Variants in DIAPH2 observed in about 807,000 individuals in gnomAD.
DIAPH2 encodes protein diaphanous homolog 2.
DIAPH2 carries 35 observed loss-of-function variants against 92.7 expected under a neutral mutation model. The observed-to-expected ratio is 0.38, with a 90% confidence interval of 0.29 to 0.50. DIAPH2 has a LOEUF of 0.50. Ranked by LOEUF, DIAPH2 falls within the 20% of genes least tolerant of loss-of-function variation. DIAPH2 has a pLI of 0.94. For synonymous variants in DIAPH2, 301 were observed against 280.4 expected, an observed-to-expected ratio of 1.07 and a Z score of -0.73; for missense variants, 701 against 819.5, an observed-to-expected ratio of 0.86 and a Z score of 1.77.
intron 23 of DIAPH2, among the ~76,000 whole-genome samples, chrX:97,342,042 A>G (rs1224393720): frequency 1.8e-5 from 2 of 112,471 alleles, no homozygotes; most frequent in Non-Finnish European, 3.7e-5. Flanking sequence ...GCTGACCATC[A>G]TTCTACTGAT....
chrX:97,466,589 A>T (rs1402993134), intron 26 of DIAPH2, among the ~76,000 whole-genome samples: 1 of 111,905 alleles, frequency 8.9e-6, no homozygotes, highest in Non-Finnish European at 1.9e-5. Flanking sequence ...AATGCTTAGG[A>T]CACACTGGAA....
chrX:97,354,323 T>G (rs2069245094), intron 24 of DIAPH2, among the ~76,000 whole-genome samples: 1 of 112,223 alleles, frequency 8.9e-6, no homozygotes, highest in Non-Finnish European at 1.9e-5. Flanking sequence ...CAAGATAACC[T>G]TAGTTTCCTG....
chrX:97,158,758 T>A (rs2067343708), intron 22 of DIAPH2, among the ~76,000 whole-genome samples: 1 of 112,232 alleles, frequency 8.9e-6, no homozygotes, highest in Non-Finnish European at 1.9e-5. Context: ...AATCGGAATT[T>A]GCTGGGCCCT....
At chrX:97,570,895 C>T (rs1260936825) in intron 26 of DIAPH2, among the ~76,000 whole-genome samples, 1 of 111,174 alleles carries the variant, frequency 9.0e-6, no homozygotes, top group Non-Finnish European at 1.9e-5. Context: ...GAACCTAATC[C>T]CTCCTCTTCC....
chrX:97,370,774 A>C (rs774043294), intron 24 of DIAPH2, among the ~76,000 whole-genome samples: 1 of 111,944 alleles, frequency 8.9e-6, no homozygotes, highest in South Asian at 3.7e-4. Flanking sequence ...CTGAGTAACA[A>C]AATATGTGGT....
At chrX:96,761,305 TATTTTTTAAGACATGTGAA>T (rs2064266754) in intron 4 of DIAPH2, among the ~76,000 whole-genome samples, 1 of 102,349 alleles carries the variant, frequency 9.8e-6, no homozygotes, top group African/African-American at 3.7e-5. Flanking sequence ...TGTAAAGTTA[TATTTTTTAAGACATGTGAA>T]CCATTGAGAG....
intron 22 of DIAPH2, among the ~76,000 whole-genome samples, chrX:97,235,754 T>C (rs913470498): frequency 1.3e-4 from 14 of 110,945 alleles, no homozygotes; most frequent in African/African-American, 4.3e-4. Context: ...CTCAAATTTT[T>C]TTTTAAAATC....
intron 3 of DIAPH2, among the ~76,000 whole-genome samples, chrX:96,754,688 G>A (rs1189558374): frequency 9.1e-6 from 1 of 109,860 alleles, no homozygotes; most frequent in East Asian, 2.8e-4. Context: ...ACTTTGGGAG[G>A]CCGAGGCGGG....
At chrX:96,806,514 C>T (rs1267737628) in intron 4 of DIAPH2, among the ~76,000 whole-genome samples, 8 of 105,535 alleles carry the variant, frequency 7.6e-5, no homozygotes, top group African/African-American at 2.8e-4. Flanking sequence ...GGAGTGGTGG[C>T]GCATGCCTGT....
chrX:97,196,452 G>C (rs909850949), intron 22 of DIAPH2, among the ~76,000 whole-genome samples: 4 of 111,954 alleles, frequency 3.6e-5, no homozygotes, highest in Admixed American at 2.9e-4. Context: ...TAGAAAATAT[G>C]GTTCTAGTGG....
At chrX:97,008,413 G>T (rs772187003) in intron 17 of DIAPH2, among the ~76,000 whole-genome samples, 1 of 111,036 alleles carries the variant, frequency 9.0e-6, no homozygotes, top group Non-Finnish European at 1.9e-5. Context: ...CTCCAGGTTT[G>T]GTCCCCGATG....
intron 15 of DIAPH2, among the ~76,000 whole-genome samples, chrX:96,957,195 A>G (rs1418332799): frequency 9.0e-6 from 1 of 111,466 alleles, no homozygotes; most frequent in Non-Finnish European, 1.9e-5. Flanking sequence ...TAATTTTTGT[A>G]TTTTTAGTAG....
chrX:97,292,367 T>C (rs146578972), intron 23 of DIAPH2, among the ~76,000 whole-genome samples: 14 of 111,329 alleles, frequency 1.3e-4, no homozygotes, highest in Middle Eastern at 4.6e-3. Flanking sequence ...ACTGAAGTTA[T>C]TGTCTACTGT....
intron 23 of DIAPH2, among the ~76,000 whole-genome samples, chrX:97,290,078 T>TAA (rs1307921929): frequency 1.9e-5 from 2 of 103,705 alleles, no homozygotes; most frequent in Non-Finnish European, 3.9e-5. Context: ...AATTTAAATA[T>TAA]ATATATATAT....
At chrX:97,328,991 G>A (rs1290611149) in intron 23 of DIAPH2, among the ~76,000 whole-genome samples, 1 of 111,437 alleles carries the variant, frequency 9.0e-6, no homozygotes, top group Non-Finnish European at 1.9e-5. Flanking sequence ...TAGCCTTAAG[G>A]CATCATGATA....
chrX:97,491,519 T>G (rs1044713377), intron 26 of DIAPH2, among the ~76,000 whole-genome samples: 3 of 111,113 alleles, frequency 2.7e-5, no homozygotes, highest in Non-Finnish European at 5.7e-5. Flanking sequence ...CAAGTGATTC[T>G]CCTGTCTCAG....
intron 20 of DIAPH2, among the ~76,000 whole-genome samples, chrX:97,105,024 G>C (rs777922078): frequency 1.7e-4 from 19 of 111,357 alleles, no homozygotes; most frequent in African/African-American, 5.5e-4. Context: ...CCAGCTACTT[G>C]GGAGGCTGAG....
intron 22 of DIAPH2, among the ~76,000 whole-genome samples, chrX:97,211,883 T>C (rs1430499783): frequency 1.8e-5 from 2 of 111,823 alleles, no homozygotes; most frequent in African/African-American, 6.5e-5. Context: ...CTAATCAAAT[T>C]TGCAACTTTG....
At chrX:97,026,102 C>T (rs961936088) in intron 17 of DIAPH2, among the ~76,000 whole-genome samples, 25 of 111,847 alleles carry the variant, frequency 2.2e-4, no homozygotes, top group Admixed American at 4.7e-4. Context: ...TTATGGTTAC[C>T]TAACTGAGGA....
Sources: gnomAD v4.1 joint callset for allele counts (sites outside exome capture counted in the v4.1 genomes callset) on GRCh38, gnomAD v4.1.1 for gene constraint, MANE v1.5 for transcripts, NCBI Gene and HGNC (gene_info 2026-07-23, HGNC 2026-07-21) for gene names.